Variants in TASP1 observed in about 807,000 individuals in gnomAD.
The protein encoded by TASP1 is threonine aspartase 1.
In TASP1, 16 loss-of-function variants were observed where a neutral mutation model predicts 56.6. That is an observed-to-expected ratio of 0.28 (90% confidence interval 0.19 to 0.43). The LOEUF (loss-of-function observed/expected upper bound fraction) is 0.43. Among genes scored for constraint, TASP1 ranks in the 20% least tolerant of loss-of-function variants. TASP1 has a pLI of 1.00. For missense variants in TASP1, 393 were observed against 511.6 expected (o/e 0.77, Z 2.24); for synonymous variants, 179 against 184.2 (o/e 0.97, Z 0.23).
the TASP1 span, among the ~76,000 whole-genome samples, chr20:13,297,596 T>A: frequency 6.6e-6 from 1 of 152,238 alleles, no homozygotes; most frequent in East Asian, 1.9e-4. Context: ...AATGAAAGGA[T>A]CAAGTAGGAG....
chr20:13,450,570 T>C (rs2043580628), intron 11 of TASP1, among the ~76,000 whole-genome samples: 2 of 152,102 alleles, frequency 1.3e-5, no homozygotes, highest in African/African-American at 4.8e-5. Context: ...TCACTTTCTT[T>C]GCTCATCCAC....
chr20:13,560,379 A>G (rs2046305122), intron 7 of TASP1, among the ~76,000 whole-genome samples: 1 of 152,212 alleles, frequency 6.6e-6, no homozygotes, highest in Non-Finnish European at 1.5e-5. Context: ...TGCCAACACT[A>G]GCACACTTGC....
At chr20:13,164,880 T>A in the TASP1 span, 1 of 1,604,636 alleles carries the variant, frequency 6.2e-7, no homozygotes, top group Non-Finnish European at 8.5e-7. Flanking sequence ...TTCCTGGTCC[T>A]GAATGACACA....
intron 11 of TASP1, among the ~76,000 whole-genome samples, chr20:13,444,560 T>C (rs1167766901): frequency 6.6e-6 from 1 of 152,164 alleles, no homozygotes; most frequent in Admixed American, 6.6e-5. Flanking sequence ...ATAAATATAT[T>C]ATTTAAATAC....
the TASP1 span, chr20:13,164,991 T>C: frequency 0.062 from 43,470 of 705,210 alleles, 1,560 homozygotes; most frequent in Middle Eastern, 0.1. Context: ...ACCAGCTTGA[T>C]TGAACTGAGG....
intron 13 of TASP1, among the ~76,000 whole-genome samples, chr20:13,408,538 T>C (rs1160408866): frequency 3.9e-5 from 6 of 152,180 alleles, no homozygotes; most frequent in African/African-American, 1.4e-4. Flanking sequence ...ACAATCCCTC[T>C]GCTTTGTTTT....
intron 13 of TASP1, among the ~76,000 whole-genome samples, chr20:13,413,997 A>G (rs553946444): frequency 6.6e-6 from 1 of 152,326 alleles, no homozygotes; most frequent in African/African-American, 2.4e-5. Flanking sequence ...AGTAAGTTTA[A>G]CCATGATAAA....
intron 4 of TASP1, chr20:13,600,740 A>T (rs1174841859): frequency 1.3e-5 from 2 of 152,166 alleles, no homozygotes; most frequent in Non-Finnish European, 2.9e-5. Context: ...GTTCAAAAGC[A>T]ATTAAAAAAA....
At chr20:13,574,310 C>T (rs1049053441) in intron 6 of TASP1, among the ~76,000 whole-genome samples, 2 of 152,128 alleles carry the variant, frequency 1.3e-5, no homozygotes, top group Admixed American at 1.3e-4. Context: ...TAAAGCGAGA[C>T]CTGAAAGGCT....
chr20:13,382,137 T>A, the TASP1 span, among the ~76,000 whole-genome samples: 113 of 152,246 alleles, frequency 7.4e-4, no homozygotes, highest in African/African-American at 2.5e-3. Context: ...GAATCTTCTA[T>A]CAGTATGAGC....
At chr20:13,353,238 A>G in the TASP1 span, among the ~76,000 whole-genome samples, 21 of 122,566 alleles carry the variant, frequency 1.7e-4, no homozygotes, top group African/African-American at 7.4e-4. Context: ...ACAGAGCAAG[A>G]TTTTGTCTCA....
At chr20:13,566,912 A>G (rs192887042) in intron 7 of TASP1, among the ~76,000 whole-genome samples, 3 of 152,314 alleles carry the variant, frequency 2.0e-5, no homozygotes, top group African/African-American at 7.2e-5. Flanking sequence ...TTGACCTAGC[A>G]ACCCCGTTAC....
chr20:13,601,885 T>C (rs2047972967), intron 4 of TASP1, among the ~76,000 whole-genome samples: 1 of 140,158 alleles, frequency 7.1e-6, no homozygotes, highest in Non-Finnish European at 1.5e-5. Flanking sequence ...TTTTTTTTTT[T>C]TTTTTTTTTG....
intron 8 of TASP1, among the ~76,000 whole-genome samples, chr20:13,558,726 T>C (rs891863968): frequency 1.3e-5 from 2 of 152,122 alleles, no homozygotes; most frequent in Non-Finnish European, 2.9e-5. Context: ...AAATAGCTCA[T>C]TAATAATTTT....
the TASP1 span, among the ~76,000 whole-genome samples, chr20:13,181,163 C>T: frequency 6.6e-6 from 1 of 152,200 alleles, no homozygotes; most frequent in Non-Finnish European, 1.5e-5. Flanking sequence ...AACTCTCTCC[C>T]ATGAGCCATT....
intron 6 of TASP1, among the ~76,000 whole-genome samples, chr20:13,573,943 C>T (rs184163778): frequency 2.6e-5 from 4 of 152,054 alleles, no homozygotes; most frequent in African/African-American, 7.2e-5. Context: ...GTGACATAGT[C>T]GGGCATCCAG....
intron 10 of TASP1, among the ~76,000 whole-genome samples, chr20:13,489,036 G>A (rs572662530): frequency 3.9e-5 from 6 of 152,164 alleles, no homozygotes; most frequent in East Asian, 1.9e-4. Context: ...CAAAAACAAC[G>A]TCCAAATCTC....
At chr20:13,272,435 G>C in the TASP1 span, among the ~76,000 whole-genome samples, 1 of 152,194 alleles carries the variant, frequency 6.6e-6, no homozygotes, top group Admixed American at 6.5e-5. Flanking sequence ...CAATAAATTA[G>C]ATCTGTGTGA....
intron 11 of TASP1, among the ~76,000 whole-genome samples, chr20:13,438,222 G>A (rs1038448165): frequency 6.6e-6 from 1 of 152,184 alleles, no homozygotes; most frequent in African/African-American, 2.4e-5. Flanking sequence ...AAAGAACAAA[G>A]CTGGAGGCAT....
Sources: gnomAD v4.1 joint callset for allele counts (sites outside exome capture counted in the v4.1 genomes callset) on GRCh38, gnomAD v4.1.1 for gene constraint, MANE v1.5 for transcripts, NCBI Gene and HGNC (gene_info 2026-07-23, HGNC 2026-07-21) for gene names.